ADAMTSL3: variants seen among roughly 807,000 people sequenced by gnomAD.
ADAMTSL3 encodes ADAMTS like 3.
ADAMTSL3 carries 128 observed loss-of-function variants against 201.7 expected under a neutral mutation model. The ratio of observed to expected loss-of-function variants is 0.63; its 90% confidence interval spans 0.55 to 0.73. The LOEUF is 0.73. ADAMTSL3 is among the 30% of genes least tolerant of loss of function. ADAMTSL3 has a pLI of 0.00. For missense variants in ADAMTSL3, 1,990 were observed against 2,119.6 expected, an observed-to-expected ratio of 0.94 and a Z score of 1.20; for synonymous variants, 738 against 748.4, an observed-to-expected ratio of 0.99 and a Z score of 0.23.
intron 15 of ADAMTSL3, among the ~76,000 whole-genome samples, chr15:83,912,619 A>G (rs1411512632): frequency 6.6e-6 from 1 of 152,220 alleles, no homozygotes; most frequent in Non-Finnish European, 1.5e-5. Context: ...CACTCTGTAG[A>G]AAGTATTTAA....
intron 2 of ADAMTSL3, among the ~76,000 whole-genome samples, chr15:83,694,904 C>G (rs2061658986): frequency 1.3e-5 from 2 of 152,178 alleles, no homozygotes; most frequent in South Asian, 4.1e-4. Flanking sequence ...CATACAACTC[C>G]ATGTTTAGGT....
intron 4 of ADAMTSL3, among the ~76,000 whole-genome samples, chr15:83,803,964 G>A (rs1340414875): frequency 6.6e-6 from 1 of 152,100 alleles, no homozygotes; most frequent in Non-Finnish European, 1.5e-5. Context: ...CCAACATGGT[G>A]TAACCCCGTC....
intron 17 of ADAMTSL3, among the ~76,000 whole-genome samples, chr15:83,926,137 C>T (rs2066241947): frequency 6.6e-6 from 1 of 152,142 alleles, no homozygotes; most frequent in Admixed American, 6.6e-5. Flanking sequence ...CAGGTCATTC[C>T]TGAGGAAGTT....
At chr15:83,828,682 T>C (rs1389177976) in intron 6 of ADAMTSL3, among the ~76,000 whole-genome samples, 1 of 152,178 alleles carries the variant, frequency 6.6e-6, no homozygotes, top group Admixed American at 6.5e-5. Flanking sequence ...ATAGCTCTTA[T>C]TATTTTGAAA....
chr15:83,919,132 G>T (rs1442941767), intron 16 of ADAMTSL3, among the ~76,000 whole-genome samples: 3 of 152,170 alleles, frequency 2.0e-5, no homozygotes, highest in Non-Finnish European at 4.4e-5. Flanking sequence ...ATGCTAAGTA[G>T]TCAGTTGGAT....
chr15:83,842,735 C>T (rs1353160771), intron 7 of ADAMTSL3, among the ~76,000 whole-genome samples: 3 of 152,168 alleles, frequency 2.0e-5, no homozygotes, highest in Non-Finnish European at 4.4e-5. Flanking sequence ...GGACTCAGAT[C>T]AGTGAACACA....
At chr15:83,791,185 A>G (rs1428300711) in intron 4 of ADAMTSL3, among the ~76,000 whole-genome samples, 1 of 152,232 alleles carries the variant, frequency 6.6e-6, no homozygotes. Context: ...GATTCAGTGT[A>G]ATCTCTGTCA....
chr15:83,845,391 C>T lies in ADAMTSL3; in HGVS notation c.727+7176C>T, dbSNP rs570990749. Among the ~76,000 whole-genome samples the T allele has an allele frequency of 8.5e-5, 13 of 152,292 alleles. No individual in the cohort carries two copies. In the South Asian group the frequency reaches 2.7e-3, roughly 32 times the overall value. On this transcript the variant is annotated intron_variant, in intron 7 of 29. Transcript: ENST00000286744. ...TGAACAAATGAATACATGGCCTTCG[C>T]TGGAGATGATTCTGCTTCCTGTTAT...
At chr15:83,670,838 C>G (rs1022480684) in intron 2 of ADAMTSL3, among the ~76,000 whole-genome samples, 3 of 152,174 alleles carry the variant, frequency 2.0e-5, no homozygotes, top group African/African-American at 7.2e-5. Flanking sequence ...GATGGTATCT[C>G]CTGGGCTAAA....
intron 4 of ADAMTSL3, among the ~76,000 whole-genome samples, chr15:83,791,035 G>A (rs981247125): frequency 6.6e-6 from 1 of 152,086 alleles, no homozygotes; most frequent in African/African-American, 2.4e-5. Context: ...TAGCCAAGGA[G>A]GTGAAAGATC....
Position 83,970,641 on chromosome 15 carries a change from A to G in ADAMTSL3, c.2644+4A>G. Reference sequence around the variant, plus strand: ...TGCCAGATGCCTGAGTGCAGTAGTAAGTATGCGGTGTCCGCGCTTCACCAA... The same window carrying G: ...TGCCAGATGCCTGAGTGCAGTAGTAGGTATGCGGTGTCCGCGCTTCACCAA... On this transcript the variant is annotated splice_donor_region_variant and intron_variant, in intron 20 of 29. Transcript: ENST00000286744. The G allele has an allele frequency of 6.2e-7, 1 of 1,613,980 alleles. No homozygotes were observed. The highest frequency in any genetic ancestry group is 8.5e-7 in the Non-Finnish European group (1 of 1,179,982).
chr15:83,920,230 G>A (rs536094509), intron 16 of ADAMTSL3, among the ~76,000 whole-genome samples: 5 of 152,264 alleles, frequency 3.3e-5, no homozygotes, highest in Admixed American at 3.3e-4. Context: ...ATGTGTTCCC[G>A]ACATGGTACA....
intron 3 of ADAMTSL3, among the ~76,000 whole-genome samples, chr15:83,706,979 T>C (rs528497331): frequency 1.3e-5 from 2 of 152,268 alleles, no homozygotes; most frequent in East Asian, 3.9e-4. Context: ...AATCCTCTTT[T>C]TTCTTAATGC....
At chr15:83,726,754 GATGA>G (rs1243274690) in intron 3 of ADAMTSL3, among the ~76,000 whole-genome samples, 2 of 152,020 alleles carry the variant, frequency 1.3e-5, no homozygotes, top group Admixed American at 1.3e-4. Flanking sequence ...ACTAGGTCAT[GATGA>G]ATAATCTTTC....
At chr15:83,965,349 CAA>C (rs143907808) in intron 19 of ADAMTSL3, among the ~76,000 whole-genome samples, 22,287 of 98,526 alleles carry the variant, frequency 0.23, 1,764 homozygotes, top group Middle Eastern at 0.41. Flanking sequence ...AAATGGAAAG[CAA>C]AAAAAAAAAA....
At chr15:83,805,479 C>T (rs2063587530) in intron 5 of ADAMTSL3, among the ~76,000 whole-genome samples, 1 of 151,872 alleles carries the variant, frequency 6.6e-6, no homozygotes, top group Non-Finnish European at 1.5e-5. Context: ...ATTGCTTGAA[C>T]CCAGGAGGTG....
At chr15:83,892,187 G>T (rs1387129798) in intron 12 of ADAMTSL3, among the ~76,000 whole-genome samples, 1 of 151,494 alleles carries the variant, frequency 6.6e-6, no homozygotes, top group Non-Finnish European at 1.5e-5. Context: ...CTGCACTCCA[G>T]CCTGGGTGAC....
intron 3 of ADAMTSL3, among the ~76,000 whole-genome samples, chr15:83,715,530 A>G (rs1294042682): frequency 6.6e-6 from 1 of 152,162 alleles, no homozygotes; most frequent in Admixed American, 6.5e-5. Context: ...CCAGCACTGC[A>G]CATTTCCTCC....
chr15:83,900,796 A>G (rs996458362), intron 15 of ADAMTSL3, among the ~76,000 whole-genome samples: 3 of 152,328 alleles, frequency 2.0e-5, no homozygotes, highest in Non-Finnish European at 2.9e-5. Context: ...AGCAGAAAAA[A>G]AAATACATCT....
Sources: gnomAD v4.1 joint callset for allele counts (sites outside exome capture counted in the v4.1 genomes callset) on GRCh38, gnomAD v4.1.1 for gene constraint, MANE v1.5 for transcripts, NCBI Gene and HGNC (gene_info 2026-07-23, HGNC 2026-07-21) for gene names.